Variants in ZMIZ1 observed in about 807,000 individuals in gnomAD.
ZMIZ1 encodes zinc finger MIZ domain-containing protein 1.
A neutral mutation model predicts 113.9 loss-of-function variants in ZMIZ1; 17 were observed. The ratio of observed to expected loss-of-function variants is 0.15; its 90% CI spans 0.10 to 0.22. The LOEUF is 0.22. Ranked by LOEUF, ZMIZ1 falls within the 10% of genes least tolerant of loss-of-function variation. The pLI, the probability that ZMIZ1 is intolerant of heterozygous loss-of-function variation, is 1.00. For synonymous variants in ZMIZ1, 607 were observed against 603.1 expected, an observed-to-expected ratio of 1.01 and a Z score of -0.09; for missense variants, 1,059 against 1,477.8, an observed-to-expected ratio of 0.72 and a Z score of 4.65.
chr10:79,277,388 T>C (rs771960953), intron 8 of ZMIZ1, 63 bp downstream of exon 8: 264 of 1,498,342 alleles, frequency 1.8e-4, no homozygotes, highest in Non-Finnish European at 2.3e-4. Context: ...TCAGATCTCC[T>C]TGGACATGTC....
intron 1 of ZMIZ1, among the ~76,000 whole-genome samples, chr10:79,104,947 T>TGGGG (rs3222498): frequency 1.8e-4 from 24 of 135,084 alleles, no homozygotes; most frequent in African/African-American, 5.9e-4. Flanking sequence ...GTTGTTGTTG[T>TGGGG]GGGGTGTGTG....
rs1855280009 is a variant in ZMIZ1 at position 79,312,755 on chromosome 10, A to T, written c.*6A>T. ...CTCTATTTGAGAACAACTGAGGGCC[A>T]CCCGGTCGGGGCCATCCCTCCACAC... On this transcript the variant is annotated 3_prime_UTR_variant, in exon 25 of 25. Coordinates refer to ENST00000334512, the MANE Select transcript of ZMIZ1 (RefSeq NM_020338.4). The T allele has an allele frequency of 6.2e-7, 1 of 1,613,338 alleles. No individual in the cohort carries two copies. The highest frequency in any genetic ancestry group is 1.6e-4 in the Middle Eastern group (1 of 6,062).
intron 4 of ZMIZ1, among the ~76,000 whole-genome samples, chr10:79,178,931 C>G (rs1846988786): frequency 6.6e-6 from 1 of 152,228 alleles, no homozygotes; most frequent in Non-Finnish European, 1.5e-5. Flanking sequence ...AAGCCCTGCC[C>G]CCGCCTGGCT....
chr10:79,238,801 T>C (rs1299532366), intron 7 of ZMIZ1, among the ~76,000 whole-genome samples: 5 of 152,202 alleles, frequency 3.3e-5, no homozygotes, highest in Non-Finnish European at 7.4e-5. Context: ...ACAGTGGAAA[T>C]AGCTCCTGTC....
intron 7 of ZMIZ1, among the ~76,000 whole-genome samples, chr10:79,246,553 G>T (rs913099277): frequency 5.9e-5 from 9 of 152,292 alleles, no homozygotes; most frequent in African/African-American, 2.2e-4. Flanking sequence ...CAGAGAGAGG[G>T]GTACAGGCCC....
chr10:79,314,013 AG>A lies in ZMIZ1; in HGVS notation c.*1270del, dbSNP rs755123134. ...GTATGTACCTGCAGGCATGGGGGGG[AG>A]GGGGGCGTGTTTCTGGGCCTGCCCC... On this transcript the variant is annotated 3_prime_UTR_variant, in exon 25 of 25. Transcript: ENST00000334512. 4.4e-6 allele frequency: 2 copies of A among 455,464 alleles called. No homozygotes were observed. Among genetic ancestry groups the A allele is most frequent in the Admixed American group, 2.4e-5 (1 of 42,526 alleles). The allele number at this position is 455,464 out of a possible 1,614,324, so 28.2% of individuals were successfully genotyped here. A position where few individuals can be genotyped will look rare whatever the true frequency, so the allele number is the denominator to read the frequency against.
At chr10:79,311,338 A>G (rs2132111812) in intron 24 of ZMIZ1, among the ~76,000 whole-genome samples, 154 bp downstream of exon 24, 1 of 152,276 alleles carries the variant, frequency 6.6e-6, no homozygotes, top group East Asian at 1.9e-4. Flanking sequence ...CAGACCAGGA[A>G]GCCCCATGAT....
Position 79,316,417 on chromosome 10 carries a change from C to A in ZMIZ1, c.*3668C>A, listed in dbSNP as rs1216513806. The A allele has an allele frequency of 6.5e-6, 1 of 152,782 alleles. No individual in the cohort carries two copies. Among genetic ancestry groups the A allele is most frequent in the East Asian group, 1.9e-4 (1 of 5,336 alleles). The allele number at this position is 152,782 out of a possible 1,614,324, so 9.5% of individuals were successfully genotyped here. A position where few individuals can be genotyped will look rare whatever the true frequency, so the allele number is the denominator to read the frequency against. ...ATGTGGTTATTTTGTATTTAAAGAT[C>A]AAATTATTTGACTATTGCTAGACAT... On this transcript the variant is annotated 3_prime_UTR_variant, in exon 25 of 25. Transcript: ENST00000334512.
intron 2 of ZMIZ1, among the ~76,000 whole-genome samples, chr10:79,121,925 T>C (rs1009806153): frequency 6.6e-6 from 1 of 152,122 alleles, no homozygotes. Context: ...TACCCAACAA[T>C]ACCCATCAGA....
At chr10:79,186,546 A>G (rs995189792) in intron 4 of ZMIZ1, among the ~76,000 whole-genome samples, 1 of 152,364 alleles carries the variant, frequency 6.6e-6, no homozygotes, top group East Asian at 1.9e-4. Flanking sequence ...TGAGGCTCTC[A>G]GAGTATAAAC....
intron 3 of ZMIZ1, among the ~76,000 whole-genome samples, chr10:79,151,322 G>A (rs1032641240): frequency 1.3e-5 from 2 of 152,226 alleles, no homozygotes; most frequent in African/African-American, 4.8e-5. Flanking sequence ...TGGGGACACA[G>A]TGCTGGGCCC....
At chr10:79,125,385 C>A (rs576128076) in intron 2 of ZMIZ1, among the ~76,000 whole-genome samples, 3 of 152,328 alleles carry the variant, frequency 2.0e-5, no homozygotes, top group Non-Finnish European at 4.4e-5. Context: ...GCATCTTTCC[C>A]AAGAGAGGTA....
At chr10:79,237,188 GAC>G (rs1782054418) in intron 7 of ZMIZ1, among the ~76,000 whole-genome samples, 1 of 152,232 alleles carries the variant, frequency 6.6e-6, no homozygotes. Flanking sequence ...ATCGAGGCTG[GAC>G]CAGAGTAAGC....
chr10:79,293,967 C>T, intron 12 of ZMIZ1: 1 of 465,790 alleles, frequency 2.1e-6, no homozygotes, highest in Admixed American at 3.3e-5. Context: ...TGTAGTGACT[C>T]TTGTCTTGGC....
intron 5 of ZMIZ1, among the ~76,000 whole-genome samples, chr10:79,205,470 GT>G (rs544494421): frequency 8.9e-4 from 136 of 152,358 alleles, no homozygotes; most frequent in African/African-American, 3.2e-3. Context: ...ACAGGAGGCT[GT>G]TTCTCCCCTC....
intron 7 of ZMIZ1, among the ~76,000 whole-genome samples, chr10:79,264,780 A>G (rs139383199): frequency 3.9e-5 from 6 of 152,324 alleles, no homozygotes; most frequent in Admixed American, 1.3e-4. Flanking sequence ...GTTCTCAGCT[A>G]AAAGTGCATG....
In ZMIZ1 at chr10:79,242,775, G is replaced by T. The variant is rs545825502; in HGVS notation, c.280+26501G>T. On this transcript the variant is annotated intron_variant, in intron 7 of 24. Coordinates refer to ENST00000334512, the MANE Select transcript of ZMIZ1 (RefSeq NM_020338.4). ...GTTGCTTCCAATTAATTGCCTGGGC[G>T]GGGGAAGGAAAGGGGCCTCGTCGCC... Among the ~76,000 whole-genome samples the T allele has an allele frequency of 2.6e-4, 40 of 152,234 alleles. No homozygotes were observed. The South Asian group carries it at 7.0e-3, about 27-fold the overall frequency.
chr10:79,302,329 G>A (rs551616880), intron 18 of ZMIZ1, 117 bp downstream of exon 18: 30 of 1,042,600 alleles, frequency 2.9e-5, no homozygotes, highest in South Asian at 1.9e-4. Flanking sequence ...TGTCACCACC[G>A]GGCCTGGAGT....
intron 10 of ZMIZ1, 105 bp downstream of exon 10, chr10:79,291,281 G>T: frequency 1.5e-6 from 2 of 1,333,008 alleles, no homozygotes; most frequent in Non-Finnish European, 2.0e-6. Flanking sequence ...TCTGCCCTGA[G>T]AAGTTATCCT....
Sources: allele counts gnomAD v4.1 joint callset (sites outside exome capture counted in the v4.1 genomes callset), GRCh38; gene constraint gnomAD v4.1.1; transcripts MANE v1.5; gene names NCBI Gene and HGNC (gene_info 2026-07-23, HGNC 2026-07-21).